GRK2: variants seen among roughly 807,000 people sequenced by gnomAD.
GRK2 encodes G protein-coupled receptor kinase 2, also known as adrenergic beta receptor kinase 1.
Under a neutral mutation model 97.8 loss-of-function variants are expected in GRK2, and 23 were observed. That is an observed-to-expected ratio of 0.24 (90% CI 0.17 to 0.33). The LOEUF is 0.33. Ranked by LOEUF, GRK2 falls within the 10% of genes least tolerant of loss-of-function variation. The pLI, the probability that GRK2 is intolerant of heterozygous loss-of-function variation, is 1.00. For missense variants in GRK2, 633 were observed against 956.9 expected (o/e 0.66, Z 4.47); for synonymous variants, 425 against 381.7 (o/e 1.11, Z -1.32).
In GRK2 at chr11:67,283,792, G is replaced by A. The variant is rs565133281; in HGVS notation, c.1395+19G>A. On this transcript the variant is annotated intron_variant, in intron 16 of 20. Transcript: ENST00000308595. Reference sequence around the variant, plus strand: ...GCAGAAGGTAACAGTCTGCGGCAGGGACTGGGGGTGCTCTGCAGCCCCACC... The same window carrying A: ...GCAGAAGGTAACAGTCTGCGGCAGGAACTGGGGGTGCTCTGCAGCCCCACC... The A allele has an allele frequency of 2.5e-6, 4 of 1,613,304 alleles. No homozygotes were observed. The East Asian group carries it at 8.9e-5, about 36-fold the overall frequency.
Position 67,281,322 on chromosome 11 carries a change from T to C in GRK2, c.648-137T>C. 9.2e-7 allele frequency: 1 copy of C among 1,091,572 alleles called. No individual in the cohort carries two copies. The highest frequency in any genetic ancestry group is 1.4e-6 in the Non-Finnish European group (1 of 739,682). 67.6% of individuals were successfully genotyped at this position (1,091,572 alleles called of 1,614,324 possible). A position where few individuals can be genotyped will look rare whatever the true frequency, so the allele number is the denominator to read the frequency against. ...CCGTGCTGTTACCCCCGCAGGCTCCTCTGGCCCCAGCCCTCCCTGTCTCTG... is the reference window on the plus strand; with the variant it reads ...CCGTGCTGTTACCCCCGCAGGCTCCCCTGGCCCCAGCCCTCCCTGTCTCTG... On this transcript the variant is annotated intron_variant, in intron 8 of 20. Coordinates refer to ENST00000308595, the MANE Select transcript of GRK2 (RefSeq NM_001619.5). This position sits in a 1 kb window ranked among gnomAD's most constrained non-coding sequence, Gnocchi z 5.7.
chr11:67,268,455 G>C (rs1173742827), intron 1 of GRK2, among the ~76,000 whole-genome samples: 2 of 152,192 alleles, frequency 1.3e-5, no homozygotes, highest in African/African-American at 2.4e-5. Flanking sequence ...GGTTAGTACA[G>C]AAATGAGTTC....
intron 2 of GRK2, 152 bp downstream of exon 2, chr11:67,277,500 C>T: frequency 1.5e-6 from 1 of 687,462 alleles, no homozygotes; most frequent in Non-Finnish European, 2.5e-6. Flanking sequence ...CTCCAAGTCG[C>T]TGCGACCCTG....
At position 67,283,880 on chromosome 11, in the gene GRK2, A is replaced by G; in HGVS notation, c.1422A>G (p.Arg474=). The change falls in exon 17 of 21, where the codon CGA becomes CGG. Residue 474 remains arginine (R), a synonymous_variant. Coordinates refer to ENST00000308595, the MANE Select transcript of GRK2 (RefSeq NM_001619.5). The stretch of plus-strand genomic sequence containing the variant: ...ACCCTCCCCCGCTGATCCCCCCACG[A>G]GGGGAGGTGAACGCGGCCGACGCCT... ...QKYPPPLIPP[R]GEVNAADAFD... 2 of 1,613,046 alleles carry G rather than the reference A, an allele frequency of 1.2e-6. No individual in the cohort carries two copies.
At position 67,266,725 on chromosome 11, in the gene GRK2, C is replaced by A; in HGVS notation, c.26C>A (p.Ala9Asp). Residue 9 changes from alanine to aspartate, a missense_variant, in exon 1 of 21, where the codon GCC becomes GAC. By Grantham distance (126) the Ala-to-Asp change is moderately radical (BLOSUM62 -2). This residue lies in a region of GRK2 where 193 missense variants were observed against 212.2 expected (regional missense o/e 0.91). Coordinates refer to ENST00000308595, the MANE Select transcript of GRK2 (RefSeq NM_001619.5). ...ATGGCGGACCTGGAGGCGGTGCTGG[C>A]CGACGTGAGCTACCTGATGGCCATG... MADLEAVL[A>D]DVSYLMAMEK... 1 of 1,325,298 alleles carries A rather than the reference C, an allele frequency of 7.5e-7. No individual in the cohort carries two copies. The highest frequency in any genetic ancestry group is 3.4e-5 in the East Asian group (1 of 29,304). 82.1% of individuals were successfully genotyped at this position (1,325,298 alleles called of 1,614,324 possible). A position where few individuals can be genotyped will look rare whatever the true frequency, so the allele number is the denominator to read the frequency against.
Position 67,279,064 on chromosome 11 carries a change from C to G in GRK2, c.191-136C>G, listed in dbSNP as rs982992740. ...CAGCCTTAGCAGCTGCCTGGCCCAC[C>G]CCTTGCCTGGGGCCGAGACCACCTT... On this transcript the variant is annotated intron_variant, in intron 2 of 20. Coordinates refer to ENST00000308595, the MANE Select transcript of GRK2 (RefSeq NM_001619.5). 3.6e-5 allele frequency: 26 copies of G among 730,838 alleles called. No homozygotes were observed. The Admixed American group carries it at 4.1e-4, about 11-fold the overall frequency. 45.3% of individuals were successfully genotyped at this position (730,838 alleles called of 1,614,324 possible). A position where few individuals can be genotyped will look rare whatever the true frequency, so the allele number is the denominator to read the frequency against.
chr11:67,285,587 G>T lies in GRK2; in HGVS notation c.*137G>T. 2.5e-6 allele frequency: 3 copies of T among 1,191,830 alleles called. No individual in the cohort carries two copies. Among genetic ancestry groups the T allele is most frequent in the Non-Finnish European group, 3.4e-6 (3 of 888,566 alleles). 73.8% of individuals were successfully genotyped at this position (1,191,830 alleles called of 1,614,324 possible). On this transcript the variant is annotated 3_prime_UTR_variant, in exon 21 of 21. Coordinates refer to ENST00000308595, the MANE Select transcript of GRK2 (RefSeq NM_001619.5). ...CCCCAGCCTGGCCCAGCTCCCCCGG[G>T]AGGGGCCCGCTTGCCTCGGCTCCTG...
rs1442154190 is a variant in GRK2, at chr11:67,283,200, A to C, written c.1300A>C (p.Asn434His). 6.2e-7 allele frequency: 1 copy of C among 1,613,928 alleles called. No individual in the cohort carries two copies. The highest frequency in any genetic ancestry group is 8.5e-7 in the Non-Finnish European group (1 of 1,179,968). Residue 434 changes from asparagine (N) to histidine (H), a missense_variant, in exon 15 of 21, where the codon AAC (asparagine) becomes CAC (histidine). This residue lies in a region of GRK2 where 68 missense variants were observed against 71.0 expected (regional missense o/e 0.96). Transcript: ENST00000308595. ...GGAGGGGTTGCTGCAGAGGGATGTC[A>C]ACCGGAGATTGGGCTGCCTGGGCCG... ...LLEGLLQRDV[N>H]RRLGCLGRGA... is the part of the protein sequence containing the mutation.
At position 67,286,463 on chromosome 11, in the gene GRK2, A is replaced by G. The variant is rs968672815; in HGVS notation, c.*1013A>G. On this transcript the variant is annotated 3_prime_UTR_variant, in exon 21 of 21. Coordinates refer to ENST00000308595, the MANE Select transcript of GRK2 (RefSeq NM_001619.5). Reference sequence around the variant, plus strand: ...GTTGGCGCACCCTCCCCTCCCGTCTACTCATTCCCCGGGGCGTTTCTTTGC... The same window carrying G: ...GTTGGCGCACCCTCCCCTCCCGTCTGCTCATTCCCCGGGGCGTTTCTTTGC... 1.9e-5 allele frequency: 13 copies of G among 700,220 alleles called. No individual in the cohort carries two copies. Among genetic ancestry groups the G allele is most frequent in the East Asian group, 1.6e-4 (6 of 37,120 alleles). The allele number at this position is 700,220 out of a possible 1,614,324, so 43.4% of individuals were successfully genotyped here.
intron 6 of GRK2, 89 bp from the exon 7 acceptor site, chr11:67,280,643 A>G (rs1347112481): frequency 1.1e-5 from 16 of 1,457,182 alleles, no homozygotes; most frequent in Non-Finnish European, 1.5e-5. Context: ...ACGGGACCCC[A>G]GGGAGTGGCG....
chr11:67,284,278 A>G lies in GRK2; in HGVS notation c.1559A>G (p.Glu520Gly). Residue 520 changes from glutamate to glycine, a missense_variant, in exon 18 of 21, where the codon GAG becomes GGG. Physicochemically the swap from Glu to Gly is moderately conservative, Grantham distance 98. This residue lies in a region of GRK2 where 180 missense variants were observed against 311.3 expected (regional missense o/e 0.58). Coordinates refer to ENST00000308595, the MANE Select transcript of GRK2 (RefSeq NM_001619.5). The part of the protein sequence containing the change: ...PLTISERWQQ[E>G]VAETVFDTIN... ...ACCATCTCGGAGCGGTGGCAGCAGG[A>G]GGTGGCAGAGACTGTCTTCGACACC... 1 of 1,613,494 alleles carries G rather than the reference A, an allele frequency of 6.2e-7. No individual in the cohort carries two copies. The highest frequency in any genetic ancestry group is 8.5e-7 in the Non-Finnish European group (1 of 1,179,978).
At chr11:67,277,428 T>C (rs1031878452) in intron 2 of GRK2, 80 bp downstream of exon 2, 3 of 1,325,426 alleles carry the variant, frequency 2.3e-6, no homozygotes, top group Non-Finnish European at 3.2e-6. Flanking sequence ...TGCTCCCCAC[T>C]CTCCAGAGAT....
At chr11:67,266,835 C>T in intron 1 of GRK2, 23 bp downstream of exon 1, 1 of 1,159,756 alleles carries the variant, frequency 8.6e-7, no homozygotes, top group South Asian at 3.2e-5. Flanking sequence ...TGCCCGCGGC[C>T]CCGGCCCGAC....
At position 67,266,805 on chromosome 11, in the gene GRK2, G is replaced by T; in HGVS notation, c.106G>T (p.Glu36Ter). 1 of 1,299,130 alleles carries T rather than the reference G, an allele frequency of 7.7e-7. No individual in the cohort carries two copies. Among genetic ancestry groups the T allele is most frequent in the Admixed American group, 3.3e-5 (1 of 29,978 alleles). 80.5% of individuals were successfully genotyped at this position (1,299,130 alleles called of 1,614,324 possible). Residue 36 changes from glutamate (E) to a stop codon, truncating the protein, a stop_gained, in exon 1 of 21, where the codon GAG becomes TAG. Coordinates refer to ENST00000308595, the MANE Select transcript of GRK2 (RefSeq NM_001619.5). LOFTEE classifies it high-confidence loss of function. ...CGCCAGCAAGAAGATCCTGCTGCCC[G>T]AGCCCAGGTGAGGAGAAGCTGCCCG... ...ARASKKILLP[E>*]PSIRSVMQKY...
At chr11:67,283,391 G>C in intron 15 of GRK2, 163 bp downstream of exon 15, 1 of 670,938 alleles carries the variant, frequency 1.5e-6, no homozygotes, top group South Asian at 1.7e-5. Flanking sequence ...TGGAGGGGCT[G>C]CCCTGGGAGT....
intron 1 of GRK2, among the ~76,000 whole-genome samples, chr11:67,271,924 G>GTGGCACA: frequency 6.6e-6 from 1 of 152,306 alleles, no homozygotes; most frequent in African/African-American, 2.4e-5. Flanking sequence ...GGAGCACCTC[G>GTGGCACA]GCCACAGCCA....
intron 2 of GRK2, among the ~76,000 whole-genome samples, 197 bp from the exon 3 acceptor site, chr11:67,279,003 C>T (rs963388184): frequency 6.6e-6 from 1 of 152,192 alleles, no homozygotes; most frequent in Non-Finnish European, 1.5e-5. Context: ...AACACAGGGG[C>T]CCCAACCCAG....
chr11:67,279,299 C>T, intron 3 of GRK2, 26 bp downstream of exon 3: 1 of 1,612,484 alleles, frequency 6.2e-7, no homozygotes, highest in South Asian at 1.1e-5. Flanking sequence ...CCAAGCCCTG[C>T]TCTGCCTGGA....
Position 67,285,298 on chromosome 11 carries a change from C to T in GRK2, c.1918C>T (p.Leu640=), listed in dbSNP as rs139224817. 143 of 1,608,832 alleles carry T rather than the reference C, an allele frequency of 8.9e-5. No homozygotes were observed. The highest frequency in any genetic ancestry group is 1.2e-4 in the Non-Finnish European group (139 of 1,178,040). The change falls in exon 21 of 21, where the codon CTG becomes TTG. Residue 640 remains leucine (L), a synonymous_variant. Transcript: ENST00000308595. ...TTGGCATGTGCAGAGCGACCCTGAG[C>T]TGGTGCAGTGGAAGAAGGAGCTGCG... ...FILQCDSDPE[L]VQWKKELRDA...
Sources: allele counts gnomAD v4.1 joint callset (sites outside exome capture counted in the v4.1 genomes callset), GRCh38; gene constraint gnomAD v4.1.1; regional missense constraint gnomAD v4.1.1; non-coding constraint Gnocchi (gnomAD v3.1); transcripts MANE v1.5; gene names NCBI Gene and HGNC (gene_info 2026-07-23, HGNC 2026-07-21).